ADGRV1: variants seen among roughly 807,000 people sequenced by gnomAD.
ADGRV1 encodes G-protein coupled receptor 98.
ADGRV1 carries 359 observed loss-of-function variants against 596.2 expected under a neutral mutation model. The ratio of observed to expected loss-of-function variants is 0.60; its 90% CI spans 0.55 to 0.66. The LOEUF is 0.66. Ranked by LOEUF, ADGRV1 falls within the 30% of genes least tolerant of loss-of-function variation. ADGRV1 has a pLI of 0.00. For synonymous variants in ADGRV1, 2,681 were observed against 2,679.2 expected, an observed-to-expected ratio of 1.00 and a Z score of -0.02; for missense variants, 7,274 against 7,575.6, an observed-to-expected ratio of 0.96 and a Z score of 1.48.
chr5:91,075,847 G>T (rs891934899), intron 86 of ADGRV1, among the ~76,000 whole-genome samples: 1 of 152,036 alleles, frequency 6.6e-6, no homozygotes, highest in Non-Finnish European at 1.5e-5. Flanking sequence ...GAGTTTCCAC[G>T]GTCTGACCCA....
chr5:90,681,471 CCTT>C lies in ADGRV1; in HGVS notation c.5664+19_5664+21del. On this transcript the variant is annotated intron_variant, in intron 27 of 89. Transcript: ENST00000405460. ...ACATTAAATGTGAGTACCTTTTCTTCCTTCATTCCTAGACACTTTCTGTTGTTT... is the reference window on the plus strand; with the variant it reads ...ACATTAAATGTGAGTACCTTTTCTTCCATTCCTAGACACTTTCTGTTGTTT... 2 of 1,598,876 alleles carry C rather than the reference CCTT, an allele frequency of 1.3e-6. No individual in the cohort carries two copies. The highest frequency in any genetic ancestry group is 1.7e-6 in the Non-Finnish European group (2 of 1,169,976).
chr5:91,129,534 A>G (rs1178402240), intron 87 of ADGRV1, among the ~76,000 whole-genome samples: 2 of 152,212 alleles, frequency 1.3e-5, no homozygotes, highest in African/African-American at 2.4e-5. Flanking sequence ...CATTTCAACA[A>G]TACTGTGCAG....
chr5:91,060,908 A>G (rs1787373724), intron 85 of ADGRV1, among the ~76,000 whole-genome samples: 1 of 152,210 alleles, frequency 6.6e-6, no homozygotes, highest in South Asian at 2.1e-4. Flanking sequence ...CTTCTACAAA[A>G]TGATTTTTGC....
intron 45 of ADGRV1, 111 bp from the exon 46 acceptor site, chr5:90,724,721 A>G: frequency 1.1e-6 from 1 of 938,178 alleles, no homozygotes; most frequent in Non-Finnish European, 1.7e-6. Flanking sequence ...TCATGAAAGA[A>G]TTTTCATTTG....
chr5:91,109,633 A>C (rs1011112157), intron 87 of ADGRV1, among the ~76,000 whole-genome samples: 4 of 152,298 alleles, frequency 2.6e-5, no homozygotes, highest in African/African-American at 9.6e-5. Flanking sequence ...CCAGCTTTCC[A>C]GCCCCAGCAG....
At chr5:91,053,389 G>A (rs1786527876) in intron 85 of ADGRV1, among the ~76,000 whole-genome samples, 1 of 152,102 alleles carries the variant, frequency 6.6e-6, no homozygotes, top group South Asian at 2.1e-4. Flanking sequence ...CTACCCCTCA[G>A]AATCAGAGCA....
chr5:90,573,938 T>A (rs186275202), intron 1 of ADGRV1, among the ~76,000 whole-genome samples: 2 of 152,286 alleles, frequency 1.3e-5, no homozygotes, highest in African/African-American at 2.4e-5. Context: ...TTTGTTGGCC[T>A]TGTCAAAGAT....
rs2149466036 is a variant in ADGRV1 at position 90,653,238 on chromosome 5, G to A, written c.3664G>A (p.Ala1222Thr). The A allele has an allele frequency of 6.2e-7, 1 of 1,612,300 alleles. No individual in the cohort carries two copies. Among genetic ancestry groups the A allele is most frequent in the East Asian group, 2.2e-5 (1 of 44,836 alleles). Residue 1222 changes from alanine to threonine, a missense_variant, in exon 20 of 90, where the codon GCA (alanine) becomes ACA (threonine). Around this residue, in one of 5 missense-constraint regions of ADGRV1, gnomAD observed 1,715 missense variants for 1,708.8 expected, o/e 1.00. Coordinates refer to ENST00000405460, the MANE Select transcript of ADGRV1 (RefSeq NM_032119.4). Reference sequence around the variant, plus strand: ...ATCCCCAGGTCCTGGGGGCCAGCTAGCAGAAACCAACCTCCAGGTGACAGT... The same window carrying A: ...ATCCCCAGGTCCTGGGGGCCAGCTAACAGAAACCAACCTCCAGGTGACAGT... ...GGSPGPGGQL[A>T]ETNLQVTVMV...
intron 86 of ADGRV1, among the ~76,000 whole-genome samples, chr5:91,093,478 T>C (rs761025116): frequency 6.6e-6 from 1 of 152,250 alleles, no homozygotes; most frequent in Non-Finnish European, 1.5e-5. Flanking sequence ...ACAAGTCACA[T>C]CAACAATTCT....
intron 85 of ADGRV1, among the ~76,000 whole-genome samples, chr5:91,017,115 G>T (rs1434699860): frequency 6.6e-6 from 1 of 151,862 alleles, no homozygotes; most frequent in Non-Finnish European, 1.5e-5. Flanking sequence ...CTTTCAAAAT[G>T]GATATATGTG....
intron 47 of ADGRV1, 34 bp from the exon 48 acceptor site, chr5:90,725,515 C>A: frequency 1.8e-6 from 2 of 1,132,884 alleles, no homozygotes; most frequent in South Asian, 2.5e-5. Context: ...GTTCAACTCT[C>A]CTTTAAGTTT....
At chr5:91,162,005 G>A (rs1796989727) in intron 89 of ADGRV1, among the ~76,000 whole-genome samples, 1 of 152,200 alleles carries the variant, frequency 6.6e-6, no homozygotes, top group African/African-American at 2.4e-5. Flanking sequence ...GCTAGAGACA[G>A]ATTAAAGACT....
At chr5:90,892,194 G>T (rs1770889052) in intron 83 of ADGRV1, among the ~76,000 whole-genome samples, 1 of 151,908 alleles carries the variant, frequency 6.6e-6, no homozygotes, top group Admixed American at 6.6e-5. Flanking sequence ...TGAATGTGAG[G>T]TCACCTTTCC....
chr5:90,783,064 G>A, intron 65 of ADGRV1, 60 bp from the exon 66 acceptor site: 1 of 1,395,722 alleles, frequency 7.2e-7, no homozygotes, highest in Non-Finnish European at 1.0e-6. Context: ...TAATTTGGCT[G>A]AATCTTATAA....
intron 56 of ADGRV1, 170 bp downstream of exon 56, chr5:90,756,800 AG>A: frequency 1.3e-6 from 1 of 742,762 alleles, no homozygotes; most frequent in Non-Finnish European, 2.1e-6. Flanking sequence ...GGATTCAACA[AG>A]TTTACTTTCA....
At chr5:90,958,735 G>A (rs1025071334) in intron 83 of ADGRV1, among the ~76,000 whole-genome samples, 6 of 152,188 alleles carry the variant, frequency 3.9e-5, no homozygotes, top group South Asian at 2.1e-4. Context: ...CAATCATAAT[G>A]GATTAGGACC....
At chr5:90,786,639 A>G (rs1759484038) in intron 67 of ADGRV1, among the ~76,000 whole-genome samples, 1 of 152,208 alleles carries the variant, frequency 6.6e-6, no homozygotes, top group African/African-American at 2.4e-5. Flanking sequence ...GGAAATAAAG[A>G]TGGCGAGAAG....
intron 1 of ADGRV1, among the ~76,000 whole-genome samples, chr5:90,580,421 T>C (rs1353988739): frequency 6.6e-6 from 1 of 151,988 alleles, no homozygotes; most frequent in Non-Finnish European, 1.5e-5. Context: ...CCCTGTCACT[T>C]TCAGGCACAC....
At chr5:90,892,087 A>G (rs1770878084) in intron 83 of ADGRV1, among the ~76,000 whole-genome samples, 1 of 152,052 alleles carries the variant, frequency 6.6e-6, no homozygotes, top group African/African-American at 2.4e-5. Context: ...GGGAAGTGTC[A>G]TAGAATCTTT....
Sources: gnomAD v4.1 joint callset for allele counts (sites outside exome capture counted in the v4.1 genomes callset) on GRCh38, gnomAD v4.1.1 for gene constraint, gnomAD v4.1.1 regional missense constraint, MANE v1.5 for transcripts, NCBI Gene and HGNC (gene_info 2026-07-23, HGNC 2026-07-21) for gene names.